TOM1L1: variants seen among roughly 807,000 people sequenced by gnomAD.
The protein encoded by TOM1L1 is TOM1-like protein 1.
Under a neutral mutation model 63.4 loss-of-function variants are expected in TOM1L1, and 64 were observed. The ratio of observed to expected loss-of-function variants is 1.01; its 90% CI spans 0.83 to 1.24. The LOEUF is 1.24. Ranked by LOEUF, TOM1L1 falls within the 50% of genes most tolerant of loss-of-function variation. The pLI is 0.00. For synonymous variants in TOM1L1, 166 were observed against 194.4 expected (o/e 0.85, Z 1.22); for missense variants, 536 against 567.0 (o/e 0.95, Z 0.55).
chr17:54,932,336 A>G (rs1035442595), intron 8 of TOM1L1, among the ~76,000 whole-genome samples: 4 of 152,148 alleles, frequency 2.6e-5, no homozygotes, highest in Admixed American at 6.5e-5. Flanking sequence ...AGGGATTTTC[A>G]CAGTGCTTTT....
chr17:54,932,310 C>T (rs1425344020), intron 8 of TOM1L1, among the ~76,000 whole-genome samples: 2 of 152,064 alleles, frequency 1.3e-5, no homozygotes, highest in African/African-American at 4.8e-5. Flanking sequence ...GTAATTAGAT[C>T]GGAACAAAAC....
intron 8 of TOM1L1, among the ~76,000 whole-genome samples, chr17:54,932,676 C>T (rs1402550747): frequency 5.9e-5 from 9 of 152,174 alleles, no homozygotes; most frequent in Admixed American, 5.2e-4. Context: ...CCTCCTTGGC[C>T]TCCCAAAGTG....
chr17:54,914,570 T>C, intron 5 of TOM1L1, 69 bp from the exon 6 acceptor site: 1 of 1,279,446 alleles, frequency 7.8e-7, no homozygotes, highest in South Asian at 1.2e-5. Flanking sequence ...GTTAGCTGAA[T>C]GGAAAAAACT....
chr17:54,916,968 T>C (rs1051908724), intron 7 of TOM1L1: 2 of 152,202 alleles, frequency 1.3e-5, no homozygotes, highest in African/African-American at 4.8e-5. Flanking sequence ...TTCACTGTTC[T>C]CTTACACCCA....
chr17:54,934,285 A>C (rs2143879927), intron 8 of TOM1L1, among the ~76,000 whole-genome samples: 1 of 152,318 alleles, frequency 6.6e-6, no homozygotes. Context: ...ATTATTTAGG[A>C]ATAAAATTTG....
intron 11 of TOM1L1, 27 bp downstream of exon 11, chr17:54,939,047 C>A: frequency 1.4e-6 from 2 of 1,393,614 alleles, no homozygotes; most frequent in Non-Finnish European, 1.0e-6. Context: ...CACTGCAGAA[C>A]TAATATCATG....
intron 11 of TOM1L1, among the ~76,000 whole-genome samples, chr17:54,942,748 A>G (rs1352062689): frequency 6.6e-6 from 1 of 152,158 alleles, no homozygotes; most frequent in Non-Finnish European, 1.5e-5. Context: ...TAACATACGT[A>G]TAGATTCAAA....
chr17:54,947,413 G>A, intron 12 of TOM1L1, 101 bp downstream of exon 12: 6 of 1,320,380 alleles, frequency 4.5e-6, no homozygotes, highest in Non-Finnish European at 6.5e-6. Context: ...GCTCAGTATT[G>A]TGTTGATGCG....
At chr17:54,951,464 T>G (rs924953271) in intron 14 of TOM1L1, among the ~76,000 whole-genome samples, 1 of 152,096 alleles carries the variant, frequency 6.6e-6, no homozygotes, top group Non-Finnish European at 1.5e-5. Flanking sequence ...TGACCCACAG[T>G]GACAAAGGTG....
intron 8 of TOM1L1, among the ~76,000 whole-genome samples, chr17:54,934,467 G>T (rs1198115441): frequency 6.6e-6 from 1 of 152,082 alleles, no homozygotes; most frequent in Non-Finnish European, 1.5e-5. Context: ...GGGTACCTTT[G>T]TGAGGGTGGG....
intron 14 of TOM1L1, among the ~76,000 whole-genome samples, chr17:54,955,359 G>A (rs1317103629): frequency 3.3e-5 from 5 of 152,306 alleles, no homozygotes; most frequent in African/African-American, 1.2e-4. Flanking sequence ...TTTCCTCAGA[G>A]AAAGCACACA....
chr17:54,906,947 T>C (rs148222736), intron 3 of TOM1L1, among the ~76,000 whole-genome samples: 125 of 152,340 alleles, frequency 8.2e-4, no homozygotes, highest in Non-Finnish European at 1.3e-3. Flanking sequence ...CACGCTGCGT[T>C]AGGAGCATTA....
intron 11 of TOM1L1, among the ~76,000 whole-genome samples, chr17:54,944,808 C>G (rs2143935755): frequency 6.6e-6 from 1 of 152,236 alleles, no homozygotes; most frequent in East Asian, 1.9e-4. Context: ...TATTGTGGTT[C>G]TGTCTGCTTT....
Position 54,907,074 on chromosome 17 carries a change from G to C in TOM1L1, c.222+1507G>C, listed in dbSNP as rs73992841. ...CTGAATAAGCAGAAATGCTGTGAAC[G>C]GTCTTCATGATTTGATCATTAAAGA... On this transcript the variant is annotated intron_variant, in intron 3 of 15. Transcript: ENST00000575882. Among the ~76,000 whole-genome samples the C allele has an allele frequency of 1.9e-3, 285 of 152,012 alleles. 2 individuals carry two copies. Among genetic ancestry groups the C allele is most frequent in the African/African-American group, 6.4e-3 (267 of 41,430 alleles).
At chr17:54,905,355 TC>T in intron 2 of TOM1L1, 133 bp from the exon 3 acceptor site, 1 of 624,384 alleles carries the variant, frequency 1.6e-6, no homozygotes. Context: ...TCGCATAGGG[TC>T]CCACAGTAGA....
chr17:54,919,424 A>G (rs1219400952), intron 7 of TOM1L1, among the ~76,000 whole-genome samples: 1 of 152,228 alleles, frequency 6.6e-6, no homozygotes, highest in East Asian at 1.9e-4. Context: ...ATCCTTCAGT[A>G]AAAACACACT....
At chr17:54,936,144 G>A (rs2048942659) in intron 8 of TOM1L1, among the ~76,000 whole-genome samples, 1 of 151,572 alleles carries the variant, frequency 6.6e-6, no homozygotes. Context: ...AAACCACAGT[G>A]AAATAGTGAA....
In TOM1L1 at chr17:54,900,854, T is replaced by A; in HGVS notation, c.-12T>A. ...GAGGCGGATTTCCTGGGCCCGGCCCTCTGGCGCTACCATGGCGTTTGGCAA... is the reference window on the plus strand; with the variant it reads ...GAGGCGGATTTCCTGGGCCCGGCCCACTGGCGCTACCATGGCGTTTGGCAA... On this transcript the variant is annotated 5_prime_UTR_variant, in exon 1 of 16. Coordinates refer to ENST00000575882, the MANE Select transcript of TOM1L1 (RefSeq NM_005486.3). The A allele has an allele frequency of 1.2e-6, 2 of 1,613,180 alleles. No homozygotes were observed. Among genetic ancestry groups the A allele is most frequent in the East Asian group, 4.5e-5 (2 of 44,864 alleles).
intron 12 of TOM1L1, among the ~76,000 whole-genome samples, chr17:54,948,007 T>A (rs1409879775): frequency 6.6e-6 from 1 of 152,206 alleles, no homozygotes; most frequent in Non-Finnish European, 1.5e-5. Flanking sequence ...GCCACCTCAG[T>A]CAATGGCCAC....
Sources: gnomAD v4.1 joint callset for allele counts (sites outside exome capture counted in the v4.1 genomes callset) on GRCh38, gnomAD v4.1.1 for gene constraint, MANE v1.5 for transcripts, NCBI Gene and HGNC (gene_info 2026-07-23, HGNC 2026-07-21) for gene names.